Variants in SLC25A21 observed in about 807,000 individuals in gnomAD.
SLC25A21 encodes the protein solute carrier family 25 member 21, also known as mitochondrial 2-oxodicarboxylate carrier.
Under a neutral mutation model 43.8 loss-of-function variants are expected in SLC25A21, and 47 were observed. The observed-to-expected ratio is 1.07, with a 90% CI of 0.85 to 1.37. The LOEUF (loss-of-function observed/expected upper bound fraction) is 1.37. Among genes scored for constraint, SLC25A21 ranks in the 40% most tolerant of loss-of-function variants. The pLI is 0.00. For missense variants in SLC25A21, 352 were observed against 350.2 expected, an observed-to-expected ratio of 1.00 and a Z score of -0.04; for synonymous variants, 131 against 121.3, an observed-to-expected ratio of 1.08 and a Z score of -0.52.
intron 1 of SLC25A21, among the ~76,000 whole-genome samples, chr14:36,886,517 T>G (rs1360625913): frequency 6.6e-6 from 1 of 152,196 alleles, no homozygotes; most frequent in Non-Finnish European, 1.5e-5. Context: ...ATACTCCCTA[T>G]TCTCATAGAG....
intron 1 of SLC25A21, among the ~76,000 whole-genome samples, chr14:36,970,814 C>T (rs953358037): frequency 2.0e-5 from 3 of 152,156 alleles, no homozygotes; most frequent in Non-Finnish European, 4.4e-5. Context: ...AGGTGTCCTT[C>T]TCCTGAACTA....
intron 1 of SLC25A21, among the ~76,000 whole-genome samples, chr14:37,015,967 G>A (rs933961902): frequency 9.8e-4 from 147 of 150,312 alleles, no homozygotes; most frequent in Non-Finnish European, 1.4e-3. Context: ...AGTAGGTTGC[G>A]AAAATTTTCT....
intron 3 of SLC25A21, among the ~76,000 whole-genome samples, chr14:36,755,802 C>G (rs79408439): frequency 6.6e-6 from 1 of 152,076 alleles, no homozygotes; most frequent in South Asian, 2.1e-4. Context: ...ACAGCATGTT[C>G]CTGGTGAAGG....
chr14:36,860,233 C>T (rs910712676), intron 2 of SLC25A21, among the ~76,000 whole-genome samples: 5 of 151,640 alleles, frequency 3.3e-5, no homozygotes, highest in East Asian at 3.9e-4. Context: ...GTATGAAGGT[C>T]GAGAAGAAGC....
chr14:36,962,340 A>G (rs948493304), intron 1 of SLC25A21, among the ~76,000 whole-genome samples: 7 of 152,160 alleles, frequency 4.6e-5, no homozygotes, highest in Non-Finnish European at 7.4e-5. Flanking sequence ...AAGAGCACCT[A>G]CTTCTTTAAC....
At position 36,886,089 on chromosome 14, in the gene SLC25A21, A is replaced by C. The variant is rs534167520; in HGVS notation, c.71-11085T>G. 5.9e-5 allele frequency among the ~76,000 whole-genome samples: 9 copies of C among 152,350 alleles called. 1 individual carries two copies. The highest frequency in any genetic ancestry group is 2.2e-4 in the African/African-American group (9 of 41,594). ...CAGATTTCAAATTCAAAAACAGAACAACTACAGACAGAACTGATATATTTT... is the reference window on the plus strand; with the variant it reads ...CAGATTTCAAATTCAAAAACAGAACCACTACAGACAGAACTGATATATTTT... On this transcript the variant is annotated intron_variant, in intron 1 of 9. Coordinates refer to ENST00000331299, the MANE Select transcript of SLC25A21 (RefSeq NM_030631.4).
intron 1 of SLC25A21, among the ~76,000 whole-genome samples, chr14:37,078,102 T>C (rs562441378): frequency 1.3e-5 from 2 of 152,188 alleles, no homozygotes; most frequent in African/African-American, 4.8e-5. Flanking sequence ...TCAAACACAA[T>C]TTTATCCAGG....
intron 1 of SLC25A21, among the ~76,000 whole-genome samples, chr14:37,157,146 C>CAGG (rs774645906): frequency 1.6e-4 from 24 of 151,960 alleles, no homozygotes; most frequent in Admixed American, 3.9e-4. Context: ...TGCTTGGGGC[C>CAGG]AGGAGTTTGA....
chr14:36,998,790 C>G (rs567042698), intron 1 of SLC25A21, among the ~76,000 whole-genome samples: 53 of 151,158 alleles, frequency 3.5e-4, no homozygotes, highest in African/African-American at 1.3e-3. Context: ...TCAAATAAGT[C>G]TAGGAAAAAA....
intron 7 of SLC25A21, 110 bp from the exon 8 acceptor site, chr14:36,685,035 T>A (rs1183470563): frequency 1.4e-6 from 1 of 724,748 alleles, no homozygotes; most frequent in Non-Finnish European, 2.1e-6. Flanking sequence ...CCCGGCACCC[T>A]CCTGTTATTC....
intron 2 of SLC25A21, among the ~76,000 whole-genome samples, chr14:36,816,821 C>A (rs1888473507): frequency 6.6e-6 from 1 of 152,114 alleles, no homozygotes; most frequent in Non-Finnish European, 1.5e-5. Context: ...CACTTTGAAA[C>A]ATACAGAGCA....
chr14:36,842,262 T>C (rs927756379), intron 2 of SLC25A21, among the ~76,000 whole-genome samples: 1 of 152,172 alleles, frequency 6.6e-6, no homozygotes, highest in Non-Finnish European at 1.5e-5. Flanking sequence ...CCTGGGGCAA[T>C]GATATGCCCC....
rs543579893 is a variant in SLC25A21 at position 37,052,648 on chromosome 14, T to C, written c.70+119633A>G. Among the ~76,000 whole-genome samples, 545 of 116,066 alleles carry C rather than the reference T, an allele frequency of 4.7e-3. 3 individuals carry two copies. The highest frequency in any genetic ancestry group is 0.016 in the African/African-American group (323 of 19,660). 76.1% of individuals were successfully genotyped at this position (116,066 alleles called of 152,430 possible). ...AAGACTTATCAACATAAACTTTTTT[T>C]TTCCCCCCGAGACAGAGTCTTACTC... On this transcript the variant is annotated intron_variant, in intron 1 of 9. Coordinates refer to ENST00000331299, the MANE Select transcript of SLC25A21 (RefSeq NM_030631.4).
At chr14:36,718,680 A>T (rs147262215) in intron 6 of SLC25A21, among the ~76,000 whole-genome samples, 3 of 152,324 alleles carry the variant, frequency 2.0e-5, no homozygotes, top group Non-Finnish European at 2.9e-5. Flanking sequence ...TTAGATTATT[A>T]AGTTCCCAGG....
chr14:37,102,729 T>C (rs969062005), intron 1 of SLC25A21, among the ~76,000 whole-genome samples: 21 of 151,568 alleles, frequency 1.4e-4, no homozygotes, highest in Admixed American at 6.7e-5. Context: ...CTCATACCTG[T>C]AATCGCAGCA....
chr14:36,936,254 G>A (rs535780840), intron 1 of SLC25A21, among the ~76,000 whole-genome samples: 1 of 152,124 alleles, frequency 6.6e-6, no homozygotes. Context: ...CTGACAGTAA[G>A]GAATGGGCTT....
At chr14:37,097,601 G>C (rs1227628426) in intron 1 of SLC25A21, among the ~76,000 whole-genome samples, 1 of 152,106 alleles carries the variant, frequency 6.6e-6, no homozygotes, top group Non-Finnish European at 1.5e-5. Context: ...AATAATATCA[G>C]GCAGGGCGTC....
At chr14:36,840,209 G>GT (rs112116046) in intron 2 of SLC25A21, among the ~76,000 whole-genome samples, 5,549 of 147,386 alleles carry the variant, frequency 0.038, 317 homozygotes, top group African/African-American at 0.12. Context: ...TAAAAGCGAG[G>GT]TTTTTTTTTT....
At chr14:36,891,745 G>A (rs540260294) in intron 1 of SLC25A21, among the ~76,000 whole-genome samples, 4 of 152,168 alleles carry the variant, frequency 2.6e-5, no homozygotes, top group African/African-American at 4.8e-5. Context: ...GGCAGAGCGC[G>A]TAAGACTATG....
Sources: allele counts gnomAD v4.1 joint callset (sites outside exome capture counted in the v4.1 genomes callset), GRCh38; gene constraint gnomAD v4.1.1; transcripts MANE v1.5; gene names NCBI Gene and HGNC (gene_info 2026-07-23, HGNC 2026-07-21).